Variants in FBXW4 observed in about 807,000 individuals in gnomAD.
FBXW4 encodes F-box and WD repeat domain containing 4, also known as F-box/WD repeat-containing protein 4.
A neutral mutation model predicts 61.8 loss-of-function variants in FBXW4; 40 were observed. The observed-to-expected ratio is 0.65, with a 90% CI of 0.50 to 0.84. The LOEUF (loss-of-function observed/expected upper bound fraction) is 0.84, where lower values mean the gene tolerates loss of function less well. Among genes scored for constraint, FBXW4 ranks in the 40% least tolerant of loss-of-function variants. FBXW4 has a pLI of 0.00. For synonymous variants in FBXW4, 311 were observed against 313.8 expected, an observed-to-expected ratio of 0.99 and a Z score of 0.10; for missense variants, 672 against 753.8, an observed-to-expected ratio of 0.89 and a Z score of 1.27.
intron 5 of FBXW4, among the ~76,000 whole-genome samples, chr10:101,632,465 A>T (rs2063966943): frequency 6.6e-6 from 1 of 152,210 alleles, no homozygotes; most frequent in Non-Finnish European, 1.5e-5. Context: ...AACGAAGGGT[A>T]CAAGGTCAGC....
At chr10:101,617,002 C>G (rs1037739378) in intron 6 of FBXW4, among the ~76,000 whole-genome samples, 30 of 152,320 alleles carry the variant, frequency 2.0e-4, no homozygotes, top group Admixed American at 5.2e-4. Context: ...GGGAAGTAAG[C>G]TGAAGGGCCT....
chr10:101,618,928 G>C (rs2134807268), intron 6 of FBXW4, among the ~76,000 whole-genome samples: 1 of 152,242 alleles, frequency 6.6e-6, no homozygotes, highest in Non-Finnish European at 1.5e-5. Flanking sequence ...AGCCCATGGA[G>C]GAAGGGGGTA....
intron 1 of FBXW4, among the ~76,000 whole-genome samples, chr10:101,690,283 C>T (rs1252066589): frequency 1.2e-4 from 18 of 152,108 alleles, no homozygotes; most frequent in East Asian, 9.6e-4. Context: ...TTCTTGTAAA[C>T]GGAACTAGGT....
intron 5 of FBXW4, among the ~76,000 whole-genome samples, chr10:101,637,391 CAAAA>C (rs908050683): frequency 7.2e-3 from 107 of 14,832 alleles, no homozygotes; most frequent in Non-Finnish European, 0.013. Context: ...GACTCCGTCT[CAAAA>C]AAAAAAAAAA....
intron 5 of FBXW4, among the ~76,000 whole-genome samples, chr10:101,655,209 G>A (rs2064175660): frequency 6.6e-6 from 1 of 152,190 alleles, no homozygotes; most frequent in South Asian, 2.1e-4. Flanking sequence ...TGAATTCCTA[G>A]AAGTGGAATT....
rs1224993870 is a variant in FBXW4 at position 101,694,261 on chromosome 10, G to A, written c.725+120C>T. On this transcript the variant is annotated intron_variant, in intron 1 of 8. Coordinates refer to ENST00000331272, the MANE Select transcript of FBXW4 (RefSeq NM_022039.4). The surrounding 1 kb of genome is among the most constrained non-coding windows in gnomAD (Gnocchi z 6.0). ...GAAAGGGTGTAGGCGGAGGTCAGGT[G>A]TAGGCCTAGAAACTCGGGGTGCGAC... 5.2e-6 allele frequency: 5 copies of A among 963,652 alleles called. No homozygotes were observed. The highest frequency in any genetic ancestry group is 6.9e-6 in the Non-Finnish European group (5 of 720,156). The allele number at this position is 963,652 out of a possible 1,614,324, so 59.7% of individuals were successfully genotyped here.
rs2064657455 is a variant in FBXW4 at position 101,694,700 on chromosome 10, C to T, written c.406G>A (p.Gly136Arg). The T allele has an allele frequency of 2.6e-5, 36 of 1,376,272 alleles. No individual in the cohort carries two copies. Among genetic ancestry groups the T allele is most frequent in the Non-Finnish European group, 3.4e-5 (36 of 1,073,172 alleles). 85.3% of individuals were successfully genotyped at this position (1,376,272 alleles called of 1,614,324 possible). A position where few individuals can be genotyped will look rare whatever the true frequency, so the allele number is the denominator to read the frequency against. ...RARRREGARP[G>R]RAQGRGGQAW... Reference sequence around the variant, plus strand: ...TGACCCCCTCGTCCCTGTGCTCTTCCCGGCCTGGCGCCCTCCCGCCGCCTA... The same window carrying T: ...TGACCCCCTCGTCCCTGTGCTCTTCTCGGCCTGGCGCCCTCCCGCCGCCTA... The change falls in exon 1 of 9, where the codon GGA becomes AGA. Residue 136 changes from glycine to arginine, a missense_variant. Gly to Arg is a moderately radical substitution (Grantham distance 125). Around this residue, in one of 5 missense-constraint regions of FBXW4, gnomAD observed 311 missense variants for 301.1 expected, o/e 1.03. Transcript: ENST00000331272. This position sits in a 1 kb window ranked among gnomAD's most constrained non-coding sequence, Gnocchi z 6.0.
At position 101,612,416 on chromosome 10, in the gene FBXW4, T is replaced by C; in HGVS notation, c.1363A>G (p.Met455Val). 1 of 1,599,176 alleles carries C rather than the reference T, an allele frequency of 6.3e-7. No individual in the cohort carries two copies. The highest frequency in any genetic ancestry group is 1.2e-5 in the South Asian group (1 of 86,786). The stretch of plus-strand genomic sequence containing the variant: ...AGCAGTGTGAAAGGGGACTCATACA[T>C]GACATCCAGCACCCCAGCCCCTGGG... The part of the protein sequence containing the change: ...FPPGAGVLDV[M>V]YESPFTLLSC... Residue 455 changes from methionine to valine, a missense_variant, in exon 7 of 9, where the codon ATG (methionine) becomes GTG (valine). Physicochemically the swap from Met to Val is conservative, Grantham distance 21. Coordinates refer to ENST00000331272, the MANE Select transcript of FBXW4 (RefSeq NM_022039.4).
chr10:101,676,395 T>C lies in FBXW4; in HGVS notation c.767A>G (p.Gln256Arg). 6.2e-7 allele frequency: 1 copy of C among 1,613,526 alleles called. No individual in the cohort carries two copies. The highest frequency in any genetic ancestry group is 8.5e-7 in the Non-Finnish European group (1 of 1,179,628). Reference sequence around the variant, plus strand: ...TCGGCAGCGCCCCAGTCTCCAGTTCTGAGACACCTTCACTCGTTCCTTCAC... The same window carrying C: ...TCGGCAGCGCCCCAGTCTCCAGTTCCGAGACACCTTCACTCGTTCCTTCAC... Reference protein sequence around the residue: ...VPVKERVKVSQNWRLGRCREG... With the variant: ...VPVKERVKVSRNWRLGRCREG... The change falls in exon 2 of 9, where the codon CAG becomes CGG. Residue 256 changes from glutamine to arginine, a missense_variant. Physicochemically the swap from Gln to Arg is conservative, Grantham distance 43. Coordinates refer to ENST00000331272, the MANE Select transcript of FBXW4 (RefSeq NM_022039.4).
chr10:101,691,946 C>A (rs2064608587), intron 1 of FBXW4, among the ~76,000 whole-genome samples: 1 of 152,068 alleles, frequency 6.6e-6, no homozygotes, highest in African/African-American at 2.4e-5. Flanking sequence ...TAATACCCAG[C>A]CAGAAAACAT....
chr10:101,670,410 C>G (rs748077674), intron 4 of FBXW4, among the ~76,000 whole-genome samples: 7 of 152,204 alleles, frequency 4.6e-5, no homozygotes, highest in Non-Finnish European at 8.8e-5. Flanking sequence ...TATAAGGCAT[C>G]TAGCACAGCA....
chr10:101,654,119 TA>T (rs60568785), intron 5 of FBXW4, among the ~76,000 whole-genome samples: 3,464 of 118,246 alleles, frequency 0.029, 153 homozygotes, highest in African/African-American at 0.1. Flanking sequence ...GACTCCGTCT[TA>T]AAAAAAAAAA....
intron 5 of FBXW4, among the ~76,000 whole-genome samples, chr10:101,635,265 T>C (rs1332913572): frequency 6.7e-6 from 1 of 149,308 alleles, no homozygotes; most frequent in African/African-American, 2.5e-5. Context: ...GATAGGACCA[T>C]TTAGTTGCAT....
Position 101,611,458 on chromosome 10 carries a change from T to G in FBXW4, c.1585-48A>C. The stretch of plus-strand genomic sequence containing the variant: ...TGGTAAGAGCTTTCCAAGTGGGACA[T>G]GGGTGTGCCCTAACCCAGGATCCCC... On this transcript the variant is annotated intron_variant, in intron 8 of 8. Transcript: ENST00000331272. This position sits in a 1 kb window ranked among gnomAD's most constrained non-coding sequence, Gnocchi z 4.9. 1 of 1,597,628 alleles carries G rather than the reference T, an allele frequency of 6.3e-7. No individual in the cohort carries two copies. The highest frequency in any genetic ancestry group is 8.5e-7 in the Non-Finnish European group (1 of 1,170,682).
intron 2 of FBXW4, among the ~76,000 whole-genome samples, chr10:101,674,337 A>G (rs1300851572): frequency 6.6e-6 from 1 of 151,736 alleles, no homozygotes; most frequent in Non-Finnish European, 1.5e-5. Context: ...AAAAAAAAAA[A>G]AAAGAAAGAA....
chr10:101,648,607 G>C (rs1316283075), intron 5 of FBXW4, among the ~76,000 whole-genome samples: 3 of 152,162 alleles, frequency 2.0e-5, no homozygotes, highest in Non-Finnish European at 4.4e-5. Flanking sequence ...GCCTTGCCTG[G>C]ACAGAAGTTA....
intron 2 of FBXW4, among the ~76,000 whole-genome samples, chr10:101,675,112 T>A (rs1005224207): frequency 6.6e-6 from 1 of 152,238 alleles, no homozygotes; most frequent in Non-Finnish European, 1.5e-5. Flanking sequence ...AAATGCAGCT[T>A]AGACTTTGTA....
chr10:101,631,848 T>C (rs533131721), intron 5 of FBXW4, among the ~76,000 whole-genome samples: 9 of 152,256 alleles, frequency 5.9e-5, no homozygotes, highest in South Asian at 2.1e-4. Context: ...AGGATGGTCT[T>C]GATCTCCTGA....
chr10:101,690,098 G>T (rs768727635), intron 1 of FBXW4, among the ~76,000 whole-genome samples: 4 of 152,200 alleles, frequency 2.6e-5, no homozygotes, highest in Non-Finnish European at 5.9e-5. Context: ...ACTGGCAATA[G>T]AATCTTTTAA....
Sources: allele counts gnomAD v4.1 joint callset (sites outside exome capture counted in the v4.1 genomes callset), GRCh38; gene constraint gnomAD v4.1.1; regional missense constraint gnomAD v4.1.1; non-coding constraint Gnocchi (gnomAD v3.1); transcripts MANE v1.5; gene names NCBI Gene and HGNC (gene_info 2026-07-23, HGNC 2026-07-21).